The following PDZRN4 variants were observed in gnomAD, a reference collection of about 807,000 sequenced individuals.
PDZRN4 encodes the protein PDZ domain-containing RING finger protein 4.
A neutral mutation model predicts 99.0 loss-of-function variants in PDZRN4; 70 were observed. The observed-to-expected ratio is 0.71, with a 90% CI of 0.58 to 0.86. PDZRN4 has a LOEUF of 0.86. PDZRN4 is among the 40% of genes least tolerant of loss of function. PDZRN4 has a pLI of 0.00. For missense variants in PDZRN4, 1,474 were observed against 1,331.2 expected (o/e 1.11, Z -1.67); for synonymous variants, 551 against 501.6 (o/e 1.10, Z -1.32).
At chr12:41,383,748 T>C (rs904342482) in intron 3 of PDZRN4, among the ~76,000 whole-genome samples, 1 of 152,226 alleles carries the variant, frequency 6.6e-6, no homozygotes, top group Non-Finnish European at 1.5e-5. Flanking sequence ...TATTTGTAGC[T>C]GATTTACATT....
chr12:41,461,947 G>A (rs573328758), intron 3 of PDZRN4, among the ~76,000 whole-genome samples: 149 of 152,070 alleles, frequency 9.8e-4, no homozygotes, highest in Non-Finnish European at 1.7e-3. Context: ...CTTGCACATA[G>A]TAGGTGTTCA....
chr12:41,198,645 G>GATAT (rs1950794524), intron 3 of PDZRN4, among the ~76,000 whole-genome samples: 1 of 150,016 alleles, frequency 6.7e-6, no homozygotes. Flanking sequence ...AGCATTAGGA[G>GATAT]ATATACCTAA....
At chr12:41,286,043 A>C (rs1951420197) in intron 3 of PDZRN4, among the ~76,000 whole-genome samples, 1 of 152,104 alleles carries the variant, frequency 6.6e-6, no homozygotes, top group Non-Finnish European at 1.5e-5. Flanking sequence ...CAAAGTGGTC[A>C]ATAAGAAACA....
At chr12:41,324,858 T>A (rs1368912084) in intron 3 of PDZRN4, among the ~76,000 whole-genome samples, 1 of 152,128 alleles carries the variant, frequency 6.6e-6, no homozygotes, top group South Asian at 2.1e-4. Flanking sequence ...TGAGAATATT[T>A]GGAGTTAAAT....
chr12:41,501,697 A>G (rs1938113304), intron 3 of PDZRN4, among the ~76,000 whole-genome samples: 1 of 152,194 alleles, frequency 6.6e-6, no homozygotes, highest in South Asian at 2.1e-4. Flanking sequence ...AATGGGAAAT[A>G]ATAACTTTTT....
chr12:41,533,542 T>G (rs1938699227), intron 5 of PDZRN4, among the ~76,000 whole-genome samples: 1 of 152,198 alleles, frequency 6.6e-6, no homozygotes, highest in South Asian at 2.1e-4. Flanking sequence ...CAAAAGTATT[T>G]TTTATTTGAA....
chr12:41,192,194 C>T (rs1048627605), intron 2 of PDZRN4, among the ~76,000 whole-genome samples: 1 of 152,120 alleles, frequency 6.6e-6, no homozygotes, highest in African/African-American at 2.4e-5. Context: ...CAACCACTGC[C>T]TCTGGTTCAA....
At chr12:41,493,483 T>A in intron 3 of PDZRN4, among the ~76,000 whole-genome samples, 1 of 152,144 alleles carries the variant, frequency 6.6e-6, no homozygotes, top group African/African-American at 2.4e-5. Context: ...CTCTATTTGG[T>A]GGAGATGCAT....
chr12:41,527,886 G>A (rs1394664334), intron 5 of PDZRN4, among the ~76,000 whole-genome samples: 1 of 152,154 alleles, frequency 6.6e-6, no homozygotes, highest in African/African-American at 2.4e-5. Context: ...CACCCAAATA[G>A]CCCCCAAAAC....
intron 3 of PDZRN4, among the ~76,000 whole-genome samples, chr12:41,291,048 A>T (rs779959044): frequency 2.0e-5 from 3 of 152,130 alleles, no homozygotes; most frequent in Non-Finnish European, 4.4e-5. Flanking sequence ...AAATGCTACA[A>T]TTAATCTTGG....
In PDZRN4 at chr12:41,471,660, A is replaced by C. The variant is rs1056047162; in HGVS notation, c.844-34796A>C. Among the ~76,000 whole-genome samples, 5 of 151,082 alleles carry C rather than the reference A, an allele frequency of 3.3e-5. No homozygotes were observed. In the East Asian group the frequency reaches 7.8e-4, roughly 23 times the overall value. On this transcript the variant is annotated intron_variant, in intron 3 of 9. Transcript: ENST00000402685. ...CAGAAACTCAGAGATAGTTGTATGA[A>C]TAAATGAATGCACATTGAAATTACT...
At chr12:41,350,420 A>T (rs1918225) in intron 3 of PDZRN4, among the ~76,000 whole-genome samples, 57,145 of 151,888 alleles carry the variant, frequency 0.38, 10,822 homozygotes, top group Non-Finnish European at 0.39. Context: ...AGAAAACTAA[A>T]TTTTAAAAGT....
intron 7 of PDZRN4, among the ~76,000 whole-genome samples, chr12:41,556,635 T>C (rs1939169769): frequency 6.6e-6 from 1 of 152,222 alleles, no homozygotes; most frequent in Non-Finnish European, 1.5e-5. Context: ...AATGAGTTGC[T>C]GGGAGATGAA....
intron 3 of PDZRN4, among the ~76,000 whole-genome samples, chr12:41,361,844 C>A (rs1951965525): frequency 6.6e-6 from 1 of 151,996 alleles, no homozygotes; most frequent in Non-Finnish European, 1.5e-5. Context: ...GAGGATGAAT[C>A]TGGCACAGCT....
intron 3 of PDZRN4, among the ~76,000 whole-genome samples, chr12:41,429,489 C>G (rs897792982): frequency 1.3e-5 from 2 of 152,136 alleles, no homozygotes; most frequent in Non-Finnish European, 2.9e-5. Context: ...TTGGGGAAAT[C>G]CTTACATCTC....
rs527461150 is a variant in PDZRN4, at chr12:41,387,508, G to A, written c.844-118948G>A. 1.6e-3 allele frequency among the ~76,000 whole-genome samples: 246 copies of A among 152,122 alleles called. 1 individual carries two copies. The highest frequency in any genetic ancestry group is 2.9e-3 in the South Asian group (14 of 4,804). ...GCTGAGGCAGGAGTATAGCTTGAAC[G>A]CTGAACCCAGAAGGTGAAGATTGCA... On this transcript the variant is annotated intron_variant, in intron 3 of 9. Transcript: ENST00000402685.
intron 3 of PDZRN4, among the ~76,000 whole-genome samples, chr12:41,250,255 T>G (rs1261294637): frequency 6.6e-6 from 1 of 152,222 alleles, no homozygotes; most frequent in African/African-American, 2.4e-5. Flanking sequence ...TCAGAAAAAG[T>G]TCTGTGTTAC....
chr12:41,461,703 CT>C (rs1270719941), intron 3 of PDZRN4, among the ~76,000 whole-genome samples: 1 of 152,136 alleles, frequency 6.6e-6, no homozygotes, highest in Non-Finnish European at 1.5e-5. Flanking sequence ...CCCATATCAC[CT>C]TTAGACCCAA....
At chr12:41,229,769 A>G (rs966047564) in intron 3 of PDZRN4, among the ~76,000 whole-genome samples, 1 of 152,006 alleles carries the variant, frequency 6.6e-6, no homozygotes, top group Non-Finnish European at 1.5e-5. Context: ...TTCCCATTTT[A>G]TTAACAGACT....
Sources: allele counts gnomAD v4.1 joint callset (sites outside exome capture counted in the v4.1 genomes callset), GRCh38; gene constraint gnomAD v4.1.1; transcripts MANE v1.5; gene names NCBI Gene and HGNC (gene_info 2026-07-23, HGNC 2026-07-21).